The following CHST7 variants were observed in gnomAD, a reference collection of about 807,000 sequenced individuals.
CHST7 encodes N-acetylglucosamine 6-O-sulfotransferase 4.
A neutral mutation model predicts 9.0 loss-of-function variants in CHST7; 5 were observed. The observed-to-expected ratio is 0.56, with a 90% CI of 0.29 to 1.17. The LOEUF is 1.17. CHST7 is among the 50% of genes most tolerant of loss of function. CHST7 has a pLI of 0.08. For synonymous variants in CHST7, 244 were observed against 237.1 expected, an observed-to-expected ratio of 1.03 and a Z score of -0.27; for missense variants, 377 against 485.1, an observed-to-expected ratio of 0.78 and a Z score of 2.09.
At chrX:46,578,568 T>A (rs1942510571) in intron 1 of CHST7, among the ~76,000 whole-genome samples, 1 of 62,040 alleles carries the variant, frequency 1.6e-5, no homozygotes, top group Non-Finnish European at 2.6e-5. Context: ...TCAATCTCAT[T>A]AAAAGAAATT....
chrX:46,582,393 G>A (rs142367328), intron 1 of CHST7, among the ~76,000 whole-genome samples: 487 of 112,024 alleles, frequency 4.3e-3, no homozygotes, highest in Non-Finnish European at 7.8e-3. Context: ...TTCTTGGAAC[G>A]TCTGTTTCCC....
intron 1 of CHST7, among the ~76,000 whole-genome samples, chrX:46,581,888 C>T (rs1385552974): frequency 9.0e-6 from 1 of 111,643 alleles, no homozygotes; most frequent in African/African-American, 3.3e-5. Context: ...AGTCACTGCG[C>T]CCGGTCAAAA....
At chrX:46,577,352 T>A (rs779520012) in intron 1 of CHST7, among the ~76,000 whole-genome samples, 5 of 110,552 alleles carry the variant, frequency 4.5e-5, no homozygotes, top group Non-Finnish European at 9.5e-5. Context: ...AGCTTTAGGC[T>A]CTTCCAGACT....
intron 1 of CHST7, among the ~76,000 whole-genome samples, chrX:46,589,973 C>T (rs1452041518): frequency 8.9e-6 from 1 of 111,797 alleles, no homozygotes; most frequent in East Asian, 2.8e-4. Context: ...CCTTGTACTG[C>T]CAGCGATTCA....
chrX:46,586,029 G>C (rs917339818), intron 1 of CHST7, among the ~76,000 whole-genome samples: 1 of 111,979 alleles, frequency 8.9e-6, no homozygotes, highest in Admixed American at 9.5e-5. Context: ...AGAGGGGTGA[G>C]TCACCACACC....
At position 46,581,890 on chromosome X, in the gene CHST7, C is replaced by T. The variant is rs187593001; in HGVS notation, c.*31+6467C>T. ...GATTACAGGCGTGAGTCACTGCGCC[C>T]GGTCAAAAATAGAATTTAACAGGAT... On this transcript the variant is annotated intron_variant, in intron 1 of 1. Coordinates refer to ENST00000276055, the MANE Select transcript of CHST7 (RefSeq NM_019886.4). 4.5e-3 allele frequency among the ~76,000 whole-genome samples: 500 copies of T among 111,539 alleles called. 1 individual carries two copies. Among genetic ancestry groups the T allele is most frequent in the Non-Finnish European group, 7.8e-3 (414 of 53,059 alleles).
intron 1 of CHST7, among the ~76,000 whole-genome samples, chrX:46,583,150 T>C (rs1448866004): frequency 8.9e-6 from 1 of 111,819 alleles, no homozygotes; most frequent in Non-Finnish European, 1.9e-5. Flanking sequence ...CACTTTTTTG[T>C]GTCTGACGTT....
At chrX:46,592,247 G>A (rs934310810) in intron 1 of CHST7, among the ~76,000 whole-genome samples, 5 of 111,840 alleles carry the variant, frequency 4.5e-5, no homozygotes, top group Non-Finnish European at 9.4e-5. Flanking sequence ...TTTAATGTCT[G>A]TGGTGTCTGT....
At chrX:46,590,828 AT>A (rs1435646689) in intron 1 of CHST7, among the ~76,000 whole-genome samples, 2 of 112,006 alleles carry the variant, frequency 1.8e-5, no homozygotes, top group African/African-American at 6.5e-5. Context: ...TGCTACCCTC[AT>A]TATCATTACA....
chrX:46,579,861 G>A (rs929277748), intron 1 of CHST7, among the ~76,000 whole-genome samples: 2 of 109,844 alleles, frequency 1.8e-5, no homozygotes, highest in East Asian at 2.9e-4. Flanking sequence ...GGGTAGTGGC[G>A]CGCATCTGTA....
chrX:46,587,912 GCAAAGGACGCT>G (rs1191095396), intron 1 of CHST7, among the ~76,000 whole-genome samples: 2 of 111,942 alleles, frequency 1.8e-5, no homozygotes, highest in Non-Finnish European at 3.8e-5. Flanking sequence ...CACAGCCGTT[GCAAAGGACGCT>G]CAAGCCCTTC....
At chrX:46,583,879 A>C (rs1348914005) in intron 1 of CHST7, among the ~76,000 whole-genome samples, 1 of 112,148 alleles carries the variant, frequency 8.9e-6, no homozygotes, top group Non-Finnish European at 1.9e-5. Context: ...TCTCCACGAC[A>C]ACCCCCACAC....
Position 46,574,012 on chromosome X carries a change from C to T in CHST7, c.81C>T (p.Leu27=). 1.7e-6 allele frequency: 2 copies of T among 1,160,258 alleles called. No homozygotes were observed. The highest frequency in any genetic ancestry group is 2.3e-6 in the Non-Finnish European group (2 of 875,140). ...LLVLYTLVLL[L]VPSVLDGGRD... ...TGCTGTACACGCTGGTGCTGTTGCT[C>T]GTCCCCTCCGTATTGGACGGCGGCC... The change falls in exon 1 of 2, where the codon CTC becomes CTT. Residue 27 remains leucine, a synonymous_variant. Coordinates refer to ENST00000276055, the MANE Select transcript of CHST7 (RefSeq NM_019886.4).
intron 1 of CHST7, among the ~76,000 whole-genome samples, chrX:46,577,970 A>G (rs1310547213): frequency 8.9e-6 from 1 of 111,874 alleles, no homozygotes; most frequent in Non-Finnish European, 1.9e-5. Flanking sequence ...AATTAACCTG[A>G]GTAACTTCTG....
chrX:46,574,305 C>T lies in CHST7; in HGVS notation c.374C>T (p.Pro125Leu). The change falls in exon 1 of 2, where the codon CCG becomes CTG. Residue 125 changes from proline to leucine, a missense_variant. Pro to Leu is a moderately conservative substitution (Grantham distance 98, BLOSUM62 -3). Transcript: ENST00000276055. ...SFLGELFNQH[P>L]DVFYLYEPMW... is the part of the protein sequence containing the mutation. The stretch of plus-strand genomic sequence containing the variant: ...CTGGGCGAACTCTTTAACCAGCACC[C>T]GGACGTTTTCTACTTGTATGAGCCC... The T allele has an allele frequency of 1.7e-6, 2 of 1,211,537 alleles. No individual in the cohort carries two copies. The highest frequency in any genetic ancestry group is 3.0e-5 in the East Asian group (1 of 33,787).
chrX:46,586,730 A>AGTTTTTTTTTTT (rs1206142560), intron 1 of CHST7, among the ~76,000 whole-genome samples: 1 of 110,794 alleles, frequency 9.0e-6, no homozygotes, highest in African/African-American at 3.3e-5. Flanking sequence ...GCTGTTTCCA[A>AGTTTTTTTTTTT]GTTTTTTTTT....
At chrX:46,594,383 C>T (rs1942584410) in intron 1 of CHST7, among the ~76,000 whole-genome samples, 1 of 110,600 alleles carries the variant, frequency 9.0e-6, no homozygotes, top group Non-Finnish European at 1.9e-5. Context: ...CAAAAATTAG[C>T]TGGGTGTGGT....
At position 46,574,037 on chromosome X, in the gene CHST7, C is replaced by T. The variant is rs1378400501; in HGVS notation, c.106C>T (p.Arg36Cys). 1.7e-6 allele frequency: 2 copies of T among 1,162,899 alleles called. No individual in the cohort carries two copies. Among genetic ancestry groups the T allele is most frequent in the Non-Finnish European group, 2.3e-6 (2 of 875,900 alleles). ...LLVPSVLDGGRDGDKGAEHCP... is the reference protein window; with the variant it reads ...LLVPSVLDGGCDGDKGAEHCP... ...CGTCCCCTCCGTATTGGACGGCGGC[C>T]GCGACGGGGACAAGGGCGCCGAGCA... Residue 36 changes from arginine (R) to cysteine (C), a missense_variant, in exon 1 of 2, where the codon CGC becomes TGC. Arg to Cys is a radical substitution (Grantham distance 180, BLOSUM62 -3). Around this residue, in one of 3 missense-constraint regions of CHST7, gnomAD observed 239 missense variants for 325.7 expected, o/e 0.73. Coordinates refer to ENST00000276055, the MANE Select transcript of CHST7 (RefSeq NM_019886.4).
intron 1 of CHST7, among the ~76,000 whole-genome samples, chrX:46,590,919 T>A (rs750712512): frequency 4.4e-5 from 5 of 112,482 alleles, no homozygotes; most frequent in African/African-American, 1.6e-4. Context: ...TTCAATAATG[T>A]TATATAATGG....
Sources: gnomAD v4.1 joint callset for allele counts (sites outside exome capture counted in the v4.1 genomes callset) on GRCh38, gnomAD v4.1.1 for gene constraint, gnomAD v4.1.1 regional missense constraint, MANE v1.5 for transcripts, NCBI Gene and HGNC (gene_info 2026-07-23, HGNC 2026-07-21) for gene names.